Variants in GPAT3 observed in about 807,000 individuals in gnomAD.
GPAT3 encodes 1-AGP acyltransferase 9.
Under a neutral mutation model 58.8 loss-of-function variants are expected in GPAT3, and 53 were observed. The observed-to-expected ratio is 0.90, with a 90% CI of 0.72 to 1.13. The LOEUF (loss-of-function observed/expected upper bound fraction) is 1.13. Among genes scored for constraint, GPAT3 ranks in the 50% most tolerant of loss-of-function variants. The pLI is 0.00. For missense variants in GPAT3, 511 were observed against 527.6 expected (o/e 0.97, Z 0.31); for synonymous variants, 197 against 187.4 (o/e 1.05, Z -0.42).
intron 11 of GPAT3, among the ~76,000 whole-genome samples, chr4:83,603,175 C>T (rs1727123785): frequency 6.6e-6 from 1 of 152,198 alleles, no homozygotes; most frequent in African/African-American, 2.4e-5. Flanking sequence ...AGCAAGTTCT[C>T]AGCCCATGCT....
intron 7 of GPAT3, 37 bp from the exon 8 acceptor site, chr4:83,596,821 T>C: frequency 6.4e-7 from 1 of 1,555,898 alleles, no homozygotes; most frequent in Non-Finnish European, 8.9e-7. Context: ...CCTCTCTCTT[T>C]ATAAAGGCAG....
intron 2 of GPAT3, among the ~76,000 whole-genome samples, chr4:83,550,386 A>G (rs889775227): frequency 6.6e-6 from 1 of 151,942 alleles, no homozygotes; most frequent in Admixed American, 6.6e-5. Context: ...GTCTATCCCT[A>G]TTTGTGAATA....
At chr4:83,563,478 C>CTTTTTTTTTTTTTTTTTTT (rs908400401) in intron 2 of GPAT3, among the ~76,000 whole-genome samples, 1 of 114,456 alleles carries the variant, frequency 8.7e-6, no homozygotes, top group East Asian at 2.7e-4. Flanking sequence ...TTTCTTTCTT[C>CTTTTTTTTTTTTTTTTTTT]TTTTTTTTTT....
At chr4:83,587,709 A>G (rs1002604274) in intron 4 of GPAT3, among the ~76,000 whole-genome samples, 1 of 152,168 alleles carries the variant, frequency 6.6e-6, no homozygotes, top group African/African-American at 2.4e-5. Context: ...TACAGGTGTG[A>G]GCTACCACAC....
chr4:83,605,696 A>G lies in GPAT3; in HGVS notation c.*929A>G, dbSNP rs1050042568. 1.3e-5 allele frequency: 2 copies of G among 152,562 alleles called. No homozygotes were observed. The highest frequency in any genetic ancestry group is 2.9e-5 in the Non-Finnish European group (2 of 68,024). 9.5% of individuals were successfully genotyped at this position (152,562 alleles called of 1,614,324 possible). A position where few individuals can be genotyped will look rare whatever the true frequency, so the allele number is the denominator to read the frequency against. On this transcript the variant is annotated 3_prime_UTR_variant, in exon 12 of 12. Transcript: ENST00000264409. ...ATGACTGATATAATTATCTTTTGGAAACTGAGCCTTAATTTTTTTTAGAGG... is the reference window on the plus strand; with the variant it reads ...ATGACTGATATAATTATCTTTTGGAGACTGAGCCTTAATTTTTTTTAGAGG...
intron 11 of GPAT3, among the ~76,000 whole-genome samples, chr4:83,601,189 C>G (rs1309108749): frequency 6.6e-6 from 1 of 152,128 alleles, no homozygotes; most frequent in Non-Finnish European, 1.5e-5. Context: ...TCATTTTGTT[C>G]AATGTTGTTT....
chr4:83,535,885 T>C (rs1023903650), upstream of GPAT3: 1 of 985,398 alleles, frequency 1.0e-6, no homozygotes, highest in Admixed American at 6.1e-5. Context: ...CAGTTCATTC[T>C]GCGGGTGAAG....
At position 83,604,957 on chromosome 4, in the gene GPAT3, T is replaced by C. The variant is rs1727202240; in HGVS notation, c.*190T>C. The stretch of plus-strand genomic sequence containing the variant: ...TTGGCTTTTGTTGTTGTTGTAACAT[T>C]AGCCCCATGGATTGTAAGGTGGTTT... On this transcript the variant is annotated 3_prime_UTR_variant, in exon 12 of 12. Transcript: ENST00000264409. The C allele has an allele frequency of 3.7e-6, 2 of 537,170 alleles. No homozygotes were observed. Among genetic ancestry groups the C allele is most frequent in the Admixed American group, 3.4e-5 (1 of 29,754 alleles). 33.3% of individuals were successfully genotyped at this position (537,170 alleles called of 1,614,324 possible).
At chr4:83,558,272 A>T (rs1400287269) in intron 2 of GPAT3, among the ~76,000 whole-genome samples, 1 of 152,062 alleles carries the variant, frequency 6.6e-6, no homozygotes, top group African/African-American at 2.4e-5. Context: ...AGAGAGTGGG[A>T]CTGCTTTCAA....
intron 6 of GPAT3, among the ~76,000 whole-genome samples, chr4:83,590,954 A>G (rs1466710897): frequency 1.5e-5 from 2 of 136,766 alleles, no homozygotes; most frequent in African/African-American, 5.5e-5. Context: ...GATTTCTTGC[A>G]TCTCCTTTCT....
At chr4:83,599,227 C>A (rs1337676944) in intron 11 of GPAT3, among the ~76,000 whole-genome samples, 1 of 152,118 alleles carries the variant, frequency 6.6e-6, no homozygotes, top group Non-Finnish European at 1.5e-5. Context: ...TTAAACATAA[C>A]CAGTGAAGGC....
At chr4:83,562,192 TA>T (rs1448352311) in intron 2 of GPAT3, among the ~76,000 whole-genome samples, 1 of 42,288 alleles carries the variant, frequency 2.4e-5, no homozygotes, top group African/African-American at 1.3e-4. Context: ...TATATATATA[TA>T]TATATAATAT....
intron 6 of GPAT3, 65 bp from the exon 7 acceptor site, chr4:83,594,780 C>A: frequency 7.4e-7 from 1 of 1,345,504 alleles, no homozygotes; most frequent in Non-Finnish European, 1.1e-6. Flanking sequence ...TTTGTTGGTA[C>A]TTAAAAAACT....
chr4:83,561,471 G>A (rs1039021348), intron 2 of GPAT3, among the ~76,000 whole-genome samples: 1 of 151,852 alleles, frequency 6.6e-6, no homozygotes, highest in African/African-American at 2.4e-5. Context: ...CTGCAATGAC[G>A]TTGGCACAAA....
At chr4:83,541,912 T>A (rs1233956815) in intron 1 of GPAT3, among the ~76,000 whole-genome samples, 1 of 152,216 alleles carries the variant, frequency 6.6e-6, no homozygotes, top group Middle Eastern at 3.2e-3. Flanking sequence ...TTGTGTCTAT[T>A]TGCATGTCCA....
chr4:83,578,938 T>C (rs1725926530), intron 2 of GPAT3, among the ~76,000 whole-genome samples: 1 of 8,064 alleles, frequency 1.2e-4, no homozygotes. Flanking sequence ...TCTTTCTTTC[T>C]TTTCTTTTCT....
At chr4:83,579,275 C>T (rs1207939103) in intron 2 of GPAT3, among the ~76,000 whole-genome samples, 1 of 93,398 alleles carries the variant, frequency 1.1e-5, no homozygotes. Flanking sequence ...CCCCTCCCCT[C>T]TGTTCCCCTC....
chr4:83,585,024 T>C (rs1400634906), intron 3 of GPAT3, among the ~76,000 whole-genome samples: 1 of 152,198 alleles, frequency 6.6e-6, no homozygotes, highest in East Asian at 1.9e-4. Context: ...ATGAAACTCC[T>C]TCTGATTTAA....
chr4:83,556,736 A>G (rs1192277903), intron 2 of GPAT3, among the ~76,000 whole-genome samples: 1 of 152,032 alleles, frequency 6.6e-6, no homozygotes, highest in East Asian at 1.9e-4. Flanking sequence ...AACTACTGGA[A>G]TATGCAATGA....
Sources: allele counts gnomAD v4.1 joint callset (sites outside exome capture counted in the v4.1 genomes callset), GRCh38; gene constraint gnomAD v4.1.1; transcripts MANE v1.5; gene names NCBI Gene and HGNC (gene_info 2026-07-23, HGNC 2026-07-21).